Variants in IGF2BP3 observed in about 807,000 individuals in gnomAD.
IGF2BP3 encodes insulin like growth factor 2 mRNA binding protein 3, also known as insulin-like growth factor 2 mRNA-binding protein 3.
Under a neutral mutation model 73.8 loss-of-function variants are expected in IGF2BP3, and 9 were observed. The observed-to-expected ratio is 0.12, with a 90% CI of 0.07 to 0.21. The LOEUF (loss-of-function observed/expected upper bound fraction) is 0.21, where lower values mean the gene tolerates loss of function less well. Ranked by LOEUF, IGF2BP3 falls within the 10% of genes least tolerant of loss-of-function variation. The pLI is 1.00. For missense variants in IGF2BP3, 542 were observed against 714.0 expected (o/e 0.76, Z 2.75); for synonymous variants, 258 against 256.7 (o/e 1.01, Z -0.05).
chr7:23,424,327 G>A (rs976595371), intron 2 of IGF2BP3, among the ~76,000 whole-genome samples: 4 of 151,468 alleles, frequency 2.6e-5, no homozygotes, highest in African/African-American at 7.3e-5. Context: ...GTGAAACCCC[G>A]TCTCTACTAA....
At chr7:23,396,849 C>T (rs1400929765) in intron 3 of IGF2BP3, among the ~76,000 whole-genome samples, 1 of 152,164 alleles carries the variant, frequency 6.6e-6, no homozygotes, top group East Asian at 1.9e-4. Flanking sequence ...ACAAATGCCT[C>T]CAAAAAAAGT....
intron 2 of IGF2BP3, among the ~76,000 whole-genome samples, chr7:23,421,483 A>T (rs1168490289): frequency 6.6e-6 from 1 of 151,556 alleles, no homozygotes; most frequent in East Asian, 2.0e-4. Flanking sequence ...ACCTGAGGTC[A>T]GAAGTTCGAG....
intron 2 of IGF2BP3, among the ~76,000 whole-genome samples, chr7:23,452,676 C>CCTA (rs1286685838): frequency 6.6e-6 from 1 of 150,830 alleles, no homozygotes; most frequent in East Asian, 2.0e-4. Context: ...GTGGTGGGCA[C>CCTA]CTGTAATCCC....
chr7:23,389,272 T>C (rs1786193143), intron 3 of IGF2BP3, among the ~76,000 whole-genome samples: 2 of 152,008 alleles, frequency 1.3e-5, no homozygotes, highest in Admixed American at 1.3e-4. Flanking sequence ...GTGATTCTCC[T>C]GCCTCAGCCT....
rs1228737984 is a variant in IGF2BP3 at position 23,410,313 on chromosome 7, T to A, written c.285+8463A>T. Among the ~76,000 whole-genome samples the A allele has an allele frequency of 3.9e-5, 6 of 152,002 alleles. No individual in the cohort carries two copies. In the East Asian group the frequency reaches 1.2e-3, roughly 29 times the overall value. On this transcript the variant is annotated intron_variant, in intron 3 of 14. Transcript: ENST00000258729. ...TCAAGGCTGCAGTGAGCTGTGATTGTGCCACTGCACTCCAGCCTGGGCGAT... is the reference window on the plus strand; with the variant it reads ...TCAAGGCTGCAGTGAGCTGTGATTGAGCCACTGCACTCCAGCCTGGGCGAT...
intron 3 of IGF2BP3, among the ~76,000 whole-genome samples, chr7:23,389,174 T>A (rs1310895385): frequency 5.3e-5 from 8 of 150,858 alleles, no homozygotes; most frequent in Non-Finnish European, 8.9e-5. Flanking sequence ...TTTTTTTTTT[T>A]AATTGAGACA....
intron 2 of IGF2BP3, among the ~76,000 whole-genome samples, chr7:23,424,627 G>A (rs1200218863): frequency 6.6e-6 from 1 of 152,082 alleles, no homozygotes; most frequent in Non-Finnish European, 1.5e-5. Context: ...GCCCGGCAGG[G>A]TAGCTCATGC....
chr7:23,451,779 T>C (rs1788203961), intron 2 of IGF2BP3, among the ~76,000 whole-genome samples: 2 of 151,292 alleles, frequency 1.3e-5, no homozygotes, highest in Non-Finnish European at 2.9e-5. Context: ...TGAAACCCTG[T>C]CCTACTGAAA....
intron 3 of IGF2BP3, among the ~76,000 whole-genome samples, chr7:23,387,324 TAAG>T (rs977651992): frequency 5.1e-4 from 77 of 152,132 alleles, no homozygotes; most frequent in African/African-American, 1.8e-3. Context: ...AGATCATCAA[TAAG>T]AAGGAGAGTT....
chr7:23,349,668 CAA>C (rs1475324733), intron 6 of IGF2BP3, among the ~76,000 whole-genome samples: 1 of 152,140 alleles, frequency 6.6e-6, no homozygotes, highest in African/African-American at 2.4e-5. Context: ...ATTTCAATGT[CAA>C]GAGTTAATTA....
rs1298182531 is a variant in IGF2BP3 at position 23,310,528 on chromosome 7, T to C, written c.*1834A>G. 1 of 152,156 alleles carries C rather than the reference T, an allele frequency of 6.6e-6. No individual in the cohort carries two copies. The highest frequency in any genetic ancestry group is 1.5e-5 in the Non-Finnish European group (1 of 68,028). The allele number at this position is 152,156 out of a possible 1,614,324, so 9.4% of individuals were successfully genotyped here. On this transcript the variant is annotated 3_prime_UTR_variant, in exon 15 of 15. Transcript: ENST00000258729. ...CAAATACTGAGAAAAGCTCTGGCCT[T>C]AAACACATCTTACCTGAAATCCAAC...
intron 3 of IGF2BP3, among the ~76,000 whole-genome samples, chr7:23,401,135 C>G (rs1040015621): frequency 6.6e-6 from 1 of 152,170 alleles, no homozygotes; most frequent in South Asian, 2.1e-4. Flanking sequence ...AAGAAATGGT[C>G]TCCTTTTAAA....
intron 3 of IGF2BP3, among the ~76,000 whole-genome samples, chr7:23,366,572 AC>A (rs1250623005): frequency 1.3e-5 from 2 of 151,186 alleles, no homozygotes; most frequent in Admixed American, 6.6e-5. Context: ...AAAAAAAAAA[AC>A]CACAAGCAAA....
intron 10 of IGF2BP3, among the ~76,000 whole-genome samples, chr7:23,322,965 T>C (rs958913909): frequency 6.6e-6 from 1 of 151,972 alleles, no homozygotes. Context: ...CACTGCAAAA[T>C]CATGCCAAAA....
intron 3 of IGF2BP3, among the ~76,000 whole-genome samples, chr7:23,392,507 CAT>C (rs1258176404): frequency 0.012 from 1,767 of 150,332 alleles, 33 homozygotes; most frequent in African/African-American, 0.041. Context: ...CACATATGCA[CAT>C]ATATATACAC....
chr7:23,385,604 T>C (rs1167598652), intron 3 of IGF2BP3, among the ~76,000 whole-genome samples: 2 of 147,974 alleles, frequency 1.4e-5, no homozygotes, highest in Admixed American at 6.8e-5. Context: ...CTTCAACCAA[T>C]GGGGTAGGGG....
intron 5 of IGF2BP3, among the ~76,000 whole-genome samples, chr7:23,353,794 A>G (rs1171938782): frequency 2.0e-5 from 3 of 152,246 alleles, no homozygotes; most frequent in African/African-American, 7.2e-5. Flanking sequence ...CCTTGATGAC[A>G]GAACGTTAAG....
chr7:23,389,717 G>A (rs940619746), intron 3 of IGF2BP3, among the ~76,000 whole-genome samples: 1 of 151,808 alleles, frequency 6.6e-6, no homozygotes, highest in Non-Finnish European at 1.5e-5. Context: ...GGTCAGGCTG[G>A]GTGTGGTAGC....
At chr7:23,438,328 G>A in intron 2 of IGF2BP3, among the ~76,000 whole-genome samples, 1 of 152,282 alleles carries the variant, frequency 6.6e-6, no homozygotes, top group South Asian at 2.1e-4. Flanking sequence ...TAGCCAGGCT[G>A]GTCTTGAATT....
Sources: gnomAD v4.1 joint callset for allele counts (sites outside exome capture counted in the v4.1 genomes callset) on GRCh38, gnomAD v4.1.1 for gene constraint, MANE v1.5 for transcripts, NCBI Gene and HGNC (gene_info 2026-07-23, HGNC 2026-07-21) for gene names.